Variants in ZNF475 observed in about 807,000 individuals in gnomAD.
The protein encoded by ZNF475 is zinc finger protein 475.
the ZNF475 span, chr5:122,163,463 C>T: frequency 6.6e-6 from 1 of 152,194 alleles, no homozygotes; most frequent in Admixed American, 6.5e-5. Flanking sequence ...AACGCTCACT[C>T]TTACTTCCTC....
the ZNF475 span, among the ~76,000 whole-genome samples, chr5:122,166,712 C>T: frequency 6.6e-6 from 1 of 152,200 alleles, no homozygotes; most frequent in Non-Finnish European, 1.5e-5. Context: ...TGTACATGTG[C>T]CACATTTACT....
the ZNF475 span, chr5:122,162,900 A>G: frequency 1.3e-5 from 2 of 152,182 alleles, no homozygotes; most frequent in African/African-American, 4.8e-5. Context: ...GTCCCATCCA[A>G]TGGCTGACTC....
At chr5:122,182,415 T>A in the ZNF475 span, 1 of 1,202,296 alleles carries the variant, frequency 8.3e-7, no homozygotes, top group Non-Finnish European at 1.1e-6. Context: ...TGATCCATTT[T>A]ACCTTTTTCT....
chr5:122,174,932 C>T, the ZNF475 span, among the ~76,000 whole-genome samples: 1 of 151,926 alleles, frequency 6.6e-6, no homozygotes. Flanking sequence ...AAAATTTTTC[C>T]TTATGCTTTG....
At chr5:122,169,675 G>A in the ZNF475 span, among the ~76,000 whole-genome samples, 12 of 152,200 alleles carry the variant, frequency 7.9e-5, no homozygotes, top group South Asian at 2.3e-3. Flanking sequence ...CAAGAGGCGG[G>A]GGGTGGAGAT....
chr5:122,180,280 A>G, the ZNF475 span, among the ~76,000 whole-genome samples: 2 of 152,246 alleles, frequency 1.3e-5, no homozygotes, highest in Non-Finnish European at 2.9e-5. Flanking sequence ...AGCTCGCTCT[A>G]TAGGAGACAA....
At chr5:122,179,968 G>A in the ZNF475 span, 2 of 299,154 alleles carry the variant, frequency 6.7e-6, no homozygotes. Flanking sequence ...GGGACCTATG[G>A]GAATTTGCTG....
chr5:122,169,831 C>T, the ZNF475 span, among the ~76,000 whole-genome samples: 1 of 152,204 alleles, frequency 6.6e-6, no homozygotes, highest in Non-Finnish European at 1.5e-5. Flanking sequence ...TACCATACAG[C>T]CGCACTTGGT....
the ZNF475 span, among the ~76,000 whole-genome samples, chr5:122,168,705 C>T: frequency 6.6e-6 from 1 of 152,294 alleles, no homozygotes; most frequent in East Asian, 1.9e-4. Flanking sequence ...GAGCAAGACT[C>T]CGTCTAAAAA....
At chr5:122,164,230 G>T in the ZNF475 span, among the ~76,000 whole-genome samples, 1 of 152,210 alleles carries the variant, frequency 6.6e-6, no homozygotes, top group Admixed American at 6.5e-5. Flanking sequence ...AAGCTCAAAT[G>T]CTTTCAGGGG....
the ZNF475 span, among the ~76,000 whole-genome samples, chr5:122,165,854 G>T: frequency 6.6e-6 from 1 of 152,000 alleles, no homozygotes; most frequent in East Asian, 1.9e-4. Context: ...GGACACAGGC[G>T]TTTCATTTGC....
chr5:122,171,513 A>G, the ZNF475 span, among the ~76,000 whole-genome samples: 1 of 152,228 alleles, frequency 6.6e-6, no homozygotes, highest in African/African-American at 2.4e-5. Context: ...ATTTTGCTGA[A>G]CTGTAGGATA....
chr5:122,169,546 T>C, the ZNF475 span, among the ~76,000 whole-genome samples: 1 of 152,152 alleles, frequency 6.6e-6, no homozygotes, highest in African/African-American at 2.4e-5. Flanking sequence ...ATGTGATTCA[T>C]GGGGCTAAGA....
the ZNF475 span, among the ~76,000 whole-genome samples, chr5:122,181,576 G>A: frequency 2.6e-5 from 4 of 152,178 alleles, no homozygotes; most frequent in Admixed American, 6.5e-5. Context: ...GTTCACTGTG[G>A]TTGTGTGAAC....
chr5:122,176,931 A>T, the ZNF475 span, among the ~76,000 whole-genome samples: 10 of 152,200 alleles, frequency 6.6e-5, no homozygotes, highest in African/African-American at 2.2e-4. Flanking sequence ...ACAGAAGCTG[A>T]ATTTCCCTAT....
At chr5:122,166,504 C>T in the ZNF475 span, among the ~76,000 whole-genome samples, 3 of 152,138 alleles carry the variant, frequency 2.0e-5, no homozygotes, top group African/African-American at 4.8e-5. Flanking sequence ...CCCCCAATCC[C>T]ACGACAGGCC....
the ZNF475 span, among the ~76,000 whole-genome samples, chr5:122,173,927 C>A: frequency 6.6e-6 from 1 of 152,302 alleles, no homozygotes; most frequent in South Asian, 2.1e-4. Context: ...ACAGGGAAAA[C>A]TGTTGATCTA....
the ZNF475 span, among the ~76,000 whole-genome samples, chr5:122,164,589 C>G: frequency 3.9e-5 from 6 of 152,254 alleles, no homozygotes; most frequent in South Asian, 1.0e-3. Context: ...CATAGGGTAA[C>G]TCACCCCAGC....
At chr5:122,172,920 G>C in the ZNF475 span, among the ~76,000 whole-genome samples, 3 of 151,918 alleles carry the variant, frequency 2.0e-5, no homozygotes, top group Non-Finnish European at 4.4e-5. Flanking sequence ...GTTGACCCAG[G>C]TACTCGGGAG....
Sources: allele counts gnomAD v4.1 joint callset (sites outside exome capture counted in the v4.1 genomes callset), GRCh38; gene constraint gnomAD v4.1.1; transcripts MANE v1.5; gene names NCBI Gene and HGNC (gene_info 2026-07-23, HGNC 2026-07-21).